The following SERINC5 variants were observed in gnomAD, a reference collection of about 807,000 sequenced individuals.
SERINC5 encodes chromosome 5 open reading frame 12.
A neutral mutation model predicts 63.1 loss-of-function variants in SERINC5; 41 were observed. The observed-to-expected ratio is 0.65, with a 90% CI of 0.51 to 0.84. The LOEUF (loss-of-function observed/expected upper bound fraction) is 0.84. Ranked by LOEUF, SERINC5 falls within the 40% of genes least tolerant of loss-of-function variation. The pLI is 0.00. For synonymous variants in SERINC5, 222 were observed against 215.2 expected, an observed-to-expected ratio of 1.03 and a Z score of -0.28; for missense variants, 523 against 573.0, an observed-to-expected ratio of 0.91 and a Z score of 0.89.
chr5:80,111,798 C>G (rs1744120378), intron 12 of SERINC5: 1 of 152,198 alleles, frequency 6.6e-6, no homozygotes, highest in African/African-American at 2.4e-5. Context: ...TGATCTGTAC[C>G]CTGAACAATG....
Position 80,207,117 on chromosome 5 carries a change from GCCTCCCGAGTAGCT to G in SERINC5, c.28-4078_28-4065del, listed in dbSNP as rs568279215. 3.8e-3 allele frequency among the ~76,000 whole-genome samples: 579 copies of G among 152,182 alleles called. 2 individuals are homozygous for G. The highest frequency in any genetic ancestry group is 0.013 in the African/African-American group (555 of 41,522). Reference sequence around the variant, plus strand: ...GGGTTCACACCATTCTCCTGCCTCAGCCTCCCGAGTAGCTGGGACTACAGGCGCCCGCCACCACG... The same window carrying G: ...GGGTTCACACCATTCTCCTGCCTCAGGGGACTACAGGCGCCCGCCACCACG... On this transcript the variant is annotated intron_variant, in intron 1 of 11. Transcript: ENST00000507668.
Position 80,166,403 on chromosome 5 carries a change from G to A in SERINC5, c.839C>T (p.Ser280Phe). The change falls in exon 7 of 12, where the codon TCC (serine) becomes TTC (phenylalanine). Residue 280 changes from serine (S) to phenylalanine (F), a missense_variant. Coordinates refer to ENST00000507668, the MANE Select transcript of SERINC5 (RefSeq NM_001174072.3). The stretch of plus-strand genomic sequence containing the variant: ...CTTACCTACTTCTGCAGGTTTGCTG[G>A]ACAGAGCTGAGAAGGTGAGGTAGGT... ...YVTYLTFSAL[S>F]SKPAEVVLDE... is the part of the protein sequence containing the mutation. 2 of 1,590,192 alleles carry A rather than the reference G, an allele frequency of 1.3e-6. No individual in the cohort carries two copies. The highest frequency in any genetic ancestry group is 1.7e-6 in the Non-Finnish European group (2 of 1,168,146).
Position 80,203,071 on chromosome 5 carries a change from G to T in SERINC5, c.28-18C>A, listed in dbSNP as rs773552504. The T allele has an allele frequency of 1.8e-5, 29 of 1,588,590 alleles. No individual in the cohort carries two copies. Among genetic ancestry groups the T allele is most frequent in the Non-Finnish European group, 2.4e-5 (28 of 1,166,796 alleles). On this transcript the variant is annotated intron_variant, in intron 1 of 11. Coordinates refer to ENST00000507668, the MANE Select transcript of SERINC5 (RefSeq NM_001174072.3). ...CAGGCCAGCTAGAAAAGGAACAGAA[G>T]GCATCTGCTTAGAGCATGATACTGT...
chr5:80,133,612 A>G (rs1381780712), intron 11 of SERINC5, among the ~76,000 whole-genome samples: 1 of 152,274 alleles, frequency 6.6e-6, no homozygotes. Flanking sequence ...AGCGTGTTCT[A>G]AAATCAAAAT....
At chr5:80,153,290 T>C (rs1344147122) in intron 8 of SERINC5, among the ~76,000 whole-genome samples, 1 of 151,768 alleles carries the variant, frequency 6.6e-6, no homozygotes, top group Non-Finnish European at 1.5e-5. Flanking sequence ...AGACCCTGTC[T>C]CTACTAAAAA....
intron 4 of SERINC5, among the ~76,000 whole-genome samples, chr5:80,175,416 C>G (rs1747964061): frequency 2.0e-5 from 3 of 152,116 alleles, no homozygotes; most frequent in African/African-American, 7.2e-5. Context: ...CCAGGAAAAT[C>G]AAAGGTTCAA....
In SERINC5 at chr5:80,146,131, TAGGA is replaced by T; in HGVS notation, c.1193_1196del (p.Phe398Ter). The T allele has an allele frequency of 6.2e-7, 1 of 1,614,004 alleles. No individual in the cohort carries two copies. The highest frequency in any genetic ancestry group is 8.5e-7 in the Non-Finnish European group (1 of 1,179,872). ...CGGTCATCATCACATACAGGGAAGC[TAGGA>T]AGAACACGAAGTGGAAGTAGGAGTA... On this transcript the variant is annotated frameshift_variant, in exon 11 of 12. Transcript: ENST00000507668. LOFTEE classifies it high-confidence loss of function.
rs1747827434 is a variant in SERINC5 at position 80,173,625 on chromosome 5, A to T, written c.551+1329T>A. Among the ~76,000 whole-genome samples, 15 of 146,318 alleles carry T rather than the reference A, an allele frequency of 1.0e-4. No individual in the cohort carries two copies. The South Asian group carries it at 3.5e-3, about 34-fold the overall frequency. On this transcript the variant is annotated intron_variant, in intron 5 of 11. Coordinates refer to ENST00000507668, the MANE Select transcript of SERINC5 (RefSeq NM_001174072.3). ...GAAAAGAAAAGAAAAGAAAAGAACAAAAGAACTGTGGTCACTCTGGAAGCT... is the reference window on the plus strand; with the variant it reads ...GAAAAGAAAAGAAAAGAAAAGAACATAAGAACTGTGGTCACTCTGGAAGCT...
chr5:80,202,861 A>G lies in SERINC5; in HGVS notation c.195+25T>C, dbSNP rs1215231352. 24 of 1,589,732 alleles carry G rather than the reference A, an allele frequency of 1.5e-5. No individual in the cohort carries two copies. The South Asian group carries it at 2.7e-4, about 18-fold the overall frequency. On this transcript the variant is annotated intron_variant, in intron 2 of 11. Transcript: ENST00000507668. Reference sequence around the variant, plus strand: ...ACCCTCATCAAACATCGGAAATAGGACGAGCTGAACACGGACAAACTTACG... The same window carrying G: ...ACCCTCATCAAACATCGGAAATAGGGCGAGCTGAACACGGACAAACTTACG...
intron 11 of SERINC5, among the ~76,000 whole-genome samples, chr5:80,127,853 C>A (rs1744803027): frequency 6.6e-6 from 1 of 151,984 alleles, no homozygotes; most frequent in African/African-American, 2.4e-5. Flanking sequence ...TAATTGATTT[C>A]TCAAGGAAAA....
intron 1 of SERINC5, among the ~76,000 whole-genome samples, chr5:80,227,944 C>T (rs1751242542): frequency 6.6e-6 from 1 of 150,712 alleles, no homozygotes. Context: ...GACACTTGGC[C>T]TGCATGGTGG....
chr5:80,251,150 G>T (rs189287624), intron 1 of SERINC5, among the ~76,000 whole-genome samples: 73 of 152,222 alleles, frequency 4.8e-4, no homozygotes, highest in African/African-American at 1.6e-3. Flanking sequence ...ATGGTAGAAC[G>T]CACCTGTAGT....
intron 1 of SERINC5, 190 bp from the exon 2 acceptor site, chr5:80,203,243 TA>T: frequency 4.2e-6 from 2 of 474,286 alleles, no homozygotes; most frequent in Admixed American, 2.9e-5. Context: ...TGTCTCTAAA[TA>T]AATATATATA....
chr5:80,247,501 C>G (rs1752216520), intron 1 of SERINC5, among the ~76,000 whole-genome samples: 1 of 152,182 alleles, frequency 6.6e-6, no homozygotes, highest in African/African-American at 2.4e-5. Context: ...GTCAGACTTG[C>G]TGCAGTCCAA....
intron 2 of SERINC5, among the ~76,000 whole-genome samples, chr5:80,182,279 C>T (rs1340063014): frequency 6.6e-6 from 1 of 152,154 alleles, no homozygotes; most frequent in Non-Finnish European, 1.5e-5. Context: ...CCAAGATATG[C>T]CACCCTAAAA....
At chr5:80,238,248 A>T (rs572036743) in intron 1 of SERINC5, among the ~76,000 whole-genome samples, 5 of 152,230 alleles carry the variant, frequency 3.3e-5, no homozygotes, top group Admixed American at 3.3e-4. Context: ...GCTAGGCAAA[A>T]TGATTTGCAT....
chr5:80,170,217 T>C (rs977342637), intron 5 of SERINC5, among the ~76,000 whole-genome samples: 6 of 152,178 alleles, frequency 3.9e-5, no homozygotes, highest in East Asian at 1.9e-4. Flanking sequence ...GTAATGGACA[T>C]TGTCAGTGTG....
rs575213793 is a variant in SERINC5 at position 80,189,335 on chromosome 5, C to A, written c.196-11271G>T. On this transcript the variant is annotated intron_variant, in intron 2 of 11. Transcript: ENST00000507668. ...CCGGCAAGGTCAACATGTCAATCTTCCAGATTCCTGAGGGCCTTTGTAAGC... is the reference window on the plus strand; with the variant it reads ...CCGGCAAGGTCAACATGTCAATCTTACAGATTCCTGAGGGCCTTTGTAAGC... 9.2e-5 allele frequency among the ~76,000 whole-genome samples: 14 copies of A among 152,292 alleles called. No homozygotes were observed. In the South Asian group the frequency reaches 1.9e-3, roughly 20 times the overall value.
chr5:80,252,058 CTTTTTT>C (rs3038416), intron 1 of SERINC5, among the ~76,000 whole-genome samples: 11 of 103,512 alleles, frequency 1.1e-4, no homozygotes, highest in Admixed American at 2.3e-4. Flanking sequence ...TTTTCTTTTC[CTTTTTT>C]TTTTTTTTTT....
Sources: allele counts gnomAD v4.1 joint callset (sites outside exome capture counted in the v4.1 genomes callset), GRCh38; gene constraint gnomAD v4.1.1; transcripts MANE v1.5; gene names NCBI Gene and HGNC (gene_info 2026-07-23, HGNC 2026-07-21).